DOCK9: variants seen among roughly 807,000 people sequenced by gnomAD.
DOCK9 encodes the protein dedicator of cytokinesis 9.
DOCK9 carries 89 observed loss-of-function variants against 263.3 expected under a neutral mutation model. That is an observed-to-expected ratio of 0.34 (90% confidence interval 0.28 to 0.40). The LOEUF (loss-of-function observed/expected upper bound fraction) is 0.40. Ranked by LOEUF, DOCK9 falls within the 10% of genes least tolerant of loss-of-function variation. DOCK9 has a pLI of 1.00. For missense variants in DOCK9, 2,140 were observed against 2,603.4 expected (o/e 0.82, Z 3.87); for synonymous variants, 976 against 973.1 (o/e 1.00, Z -0.06).
At chr13:98,984,001 A>G (rs906416262) in intron 1 of DOCK9, among the ~76,000 whole-genome samples, 16 of 152,216 alleles carry the variant, frequency 1.1e-4, no homozygotes, top group African/African-American at 3.9e-4. Context: ...AGTGTCTCTT[A>G]GCCCAGAATC....
chr13:99,047,124 C>A (rs2142174008), intron 1 of DOCK9, among the ~76,000 whole-genome samples: 1 of 152,260 alleles, frequency 6.6e-6, no homozygotes, highest in Non-Finnish European at 1.5e-5. Flanking sequence ...AATGGCCAAG[C>A]CTATGAGTAA....
At chr13:98,945,728 T>C (rs1040559298) in intron 2 of DOCK9, among the ~76,000 whole-genome samples, 2 of 152,238 alleles carry the variant, frequency 1.3e-5, no homozygotes, top group Non-Finnish European at 2.9e-5. Flanking sequence ...GATAATTCAT[T>C]TGTTTAATTC....
chr13:98,857,802 C>A (rs1253011804), intron 33 of DOCK9: 1 of 152,220 alleles, frequency 6.6e-6, no homozygotes, highest in African/African-American at 2.4e-5. Context: ...GTGGCTGCGT[C>A]TCCCCAGGAG....
intron 2 of DOCK9, among the ~76,000 whole-genome samples, chr13:98,933,457 C>T (rs1270245270): frequency 2.0e-5 from 3 of 151,144 alleles, no homozygotes; most frequent in African/African-American, 7.3e-5. Flanking sequence ...AGGAGAGAAA[C>T]CTGAGTTTTA....
At chr13:99,045,821 G>A (rs915331257) in intron 1 of DOCK9, among the ~76,000 whole-genome samples, 3 of 151,748 alleles carry the variant, frequency 2.0e-5, no homozygotes, top group African/African-American at 7.3e-5. Context: ...AGCCGGGTGC[G>A]GTGGCTCACA....
chr13:98,936,417 C>T (rs1249868106), intron 2 of DOCK9, among the ~76,000 whole-genome samples: 4 of 151,922 alleles, frequency 2.6e-5, no homozygotes, highest in Non-Finnish European at 5.9e-5. Context: ...ACCAGGAGTT[C>T]GAGACCAACC....
At chr13:98,962,345 C>T (rs548837148) in intron 1 of DOCK9, among the ~76,000 whole-genome samples, 6 of 152,238 alleles carry the variant, frequency 3.9e-5, no homozygotes, top group African/African-American at 1.4e-4. Flanking sequence ...CACCTCCGTG[C>T]CTTATTTTGT....
At chr13:98,968,429 T>C (rs372499625) in intron 1 of DOCK9, among the ~76,000 whole-genome samples, 6 of 152,106 alleles carry the variant, frequency 3.9e-5, no homozygotes, top group African/African-American at 1.4e-4. Context: ...GAGACCAGAC[T>C]GGCCAACATG....
At chr13:98,827,790 T>A (rs745402544) in intron 43 of DOCK9, among the ~76,000 whole-genome samples, 1 of 152,204 alleles carries the variant, frequency 6.6e-6, no homozygotes, top group African/African-American at 2.4e-5. Flanking sequence ...GGAAAGTACA[T>A]GACGGGTTAC....
rs76315438 is a variant in DOCK9 at position 98,801,873 on chromosome 13, C to T, written c.5726-1395G>A. ...TCTGGACAAAAGCGGAAAACATGTC[C>T]ACCCTGAGGCAACCTCATATGTCAC... is the stretch of plus-strand genomic sequence containing the variant. On this transcript the variant is annotated intron_variant, in intron 49 of 52. Transcript: ENST00000682017. Among the ~76,000 whole-genome samples, 3 of 152,322 alleles carry T rather than the reference C, an allele frequency of 2.0e-5. No individual in the cohort carries two copies. In the East Asian group the frequency reaches 5.8e-4, roughly 29 times the overall value.
chr13:98,997,914 C>T (rs192634626), intron 1 of DOCK9, among the ~76,000 whole-genome samples: 2 of 152,358 alleles, frequency 1.3e-5, no homozygotes, highest in Admixed American at 1.3e-4. Flanking sequence ...CCTTGACCAA[C>T]ACAGCAGATT....
intron 1 of DOCK9, among the ~76,000 whole-genome samples, chr13:98,956,174 G>A (rs1231540720): frequency 5.3e-5 from 8 of 152,202 alleles, no homozygotes; most frequent in East Asian, 1.9e-4. Flanking sequence ...GGGTGAATCC[G>A]AGGGGATGGG....
At chr13:99,018,640 T>C (rs576422055) in intron 1 of DOCK9, among the ~76,000 whole-genome samples, 1 of 152,218 alleles carries the variant, frequency 6.6e-6, no homozygotes, top group East Asian at 1.9e-4. Flanking sequence ...CTCATGATAA[T>C]AGAAGCAAGA....
In DOCK9 at chr13:98,845,876, T is replaced by C. The variant is rs776107504; in HGVS notation, c.4198+48A>G. The C allele has an allele frequency of 5.0e-6, 8 of 1,602,966 alleles. No individual in the cohort carries two copies. In the Middle Eastern group the frequency reaches 5.5e-4, roughly 110 times the overall value. ...TGGCCTAGGGCTCTCCCCTCTGAGA[T>C]GGCACATGAGATGGCTGGCTGTTAC... is the stretch of plus-strand genomic sequence containing the variant. On this transcript the variant is annotated intron_variant, in intron 38 of 52. Transcript: ENST00000682017.
chr13:98,952,566 C>T (rs1178356086), intron 2 of DOCK9, among the ~76,000 whole-genome samples: 1 of 152,204 alleles, frequency 6.6e-6, no homozygotes, highest in Non-Finnish European at 1.5e-5. Flanking sequence ...TCCACGTTTA[C>T]TTCATGTCTC....
intron 4 of DOCK9, among the ~76,000 whole-genome samples, chr13:98,923,689 T>C (rs2052448533): frequency 6.6e-6 from 1 of 152,142 alleles, no homozygotes; most frequent in Non-Finnish European, 1.5e-5. Context: ...ATACAAAGTT[T>C]ATGAGGAAAA....
upstream of DOCK9, chr13:99,086,754 G>A (rs1215152164): frequency 6.8e-6 from 1 of 147,766 alleles, no homozygotes; most frequent in Non-Finnish European, 1.5e-5. Flanking sequence ...CCGCCGCGGC[G>A]GGACGGCGGG....
intron 33 of DOCK9, chr13:98,859,250 G>T (rs779429700): frequency 6.6e-6 from 1 of 152,206 alleles, no homozygotes; most frequent in Non-Finnish European, 1.5e-5. Flanking sequence ...ATGGAAACTC[G>T]TGACAGCAGC....
Position 98,805,017 on chromosome 13 carries a change from G to C in DOCK9, c.5707C>G (p.Arg1903Gly). The change falls in exon 49 of 53, where the codon CGG becomes GGG. Residue 1903 changes from arginine (R) to glycine (G), a missense_variant. Physicochemically the swap from Arg to Gly is moderately radical, Grantham distance 125. Coordinates refer to ENST00000682017, the MANE Select transcript of DOCK9 (RefSeq NM_001366683.2). ...RQGGVEEQCK[R>G]RTILTAIHCF... ...CCCATACCTGTCAGGATGGTGCGCCGTTTGCACTGCTCTTCCACCCCGCCC... is the reference window on the plus strand; with the variant it reads ...CCCATACCTGTCAGGATGGTGCGCCCTTTGCACTGCTCTTCCACCCCGCCC... 3 of 1,606,910 alleles carry C rather than the reference G, an allele frequency of 1.9e-6. No individual in the cohort carries two copies. Among genetic ancestry groups the C allele is most frequent in the Non-Finnish European group, 2.5e-6 (3 of 1,176,780 alleles).
Sources: gnomAD v4.1 joint callset for allele counts (sites outside exome capture counted in the v4.1 genomes callset) on GRCh38, gnomAD v4.1.1 for gene constraint, MANE v1.5 for transcripts, NCBI Gene and HGNC (gene_info 2026-07-23, HGNC 2026-07-21) for gene names.